Variants in COL17A1 observed in about 807,000 individuals in gnomAD.
The protein encoded by COL17A1 is collagen alpha-1(XVII) chain.
In COL17A1, 181 loss-of-function variants were observed where a neutral mutation model predicts 218.4. The ratio of observed to expected loss-of-function variants is 0.83; its 90% CI spans 0.73 to 0.94. The LOEUF (loss-of-function observed/expected upper bound fraction) is 0.94. COL17A1 is among the 40% of genes least tolerant of loss of function. The probability of loss-of-function intolerance (pLI) is 0.00; values close to 1 mark genes in which losing one functional copy is unlikely to be tolerated. For missense variants in COL17A1, 1,924 were observed against 1,945.9 expected, an observed-to-expected ratio of 0.99 and a Z score of 0.21; for synonymous variants, 721 against 731.0, an observed-to-expected ratio of 0.99 and a Z score of 0.22.
chr10:104,051,432 C>T (rs1192028057), intron 25 of COL17A1, 49 bp downstream of exon 25: 4 of 1,610,206 alleles, frequency 2.5e-6, no homozygotes, highest in East Asian at 4.5e-5. Flanking sequence ...TTAACATTGC[C>T]ACCTTTGCCC....
rs377497843 is a variant in COL17A1, at chr10:104,035,417, C to G, written c.3509-44G>C. On this transcript the variant is annotated intron_variant, in intron 49 of 55. Transcript: ENST00000648076. ...GCACGGAGTCAGTCCTGGCCTGGGC[C>G]AAGGGACTCTGCTTCCTCCCCAACC... is the stretch of plus-strand genomic sequence containing the variant. The G allele has an allele frequency of 8.2e-4, 1,328 of 1,613,438 alleles. 2 individuals are homozygous for G. The highest frequency in any genetic ancestry group is 1.0e-3 in the Non-Finnish European group (1,233 of 1,179,518).
At position 104,036,987 on chromosome 10, in the gene COL17A1, G is replaced by GT; in HGVS notation, c.3277+57dup. ...GACGAGGACAAGGTTTGCATGACGA[G>GT]TGAGGCCAGGAGAAAGCAAAGATAG... On this transcript the variant is annotated intron_variant, in intron 47 of 55. Transcript: ENST00000648076. 2.7e-6 allele frequency: 4 copies of GT among 1,488,828 alleles called. No individual in the cohort carries two copies. The South Asian group carries it at 4.8e-5, about 18-fold the overall frequency. 92.2% of individuals were successfully genotyped at this position (1,488,828 alleles called of 1,614,324 possible). A position where few individuals can be genotyped will look rare whatever the true frequency, so the allele number is the denominator to read the frequency against.
Position 104,032,290 on chromosome 10 carries a change from C to A in COL17A1, c.4439G>T (p.Gly1480Val), listed in dbSNP as rs761215469. 5 of 1,613,862 alleles carry A rather than the reference C, an allele frequency of 3.1e-6. No homozygotes were observed. The highest frequency in any genetic ancestry group is 4.2e-6 in the Non-Finnish European group (5 of 1,179,772). Residue 1480 changes from glycine (G) to valine (V), a missense_variant and splice_region_variant, in exon 56 of 56, where the codon GGT becomes GTT. Physicochemically the swap from Gly to Val is moderately radical, Grantham distance 109. Coordinates refer to ENST00000648076, the MANE Select transcript of COL17A1 (RefSeq NM_000494.4). ...TCTCCGCCCAGCATAGACTTGGTCA[C>A]CTGAAAGTTAGAAGATCAGTAGGAA... Reference protein sequence around the residue: ...RGHKGEKGDKGDQVYAGRRRR... With the variant: ...RGHKGEKGDKVDQVYAGRRRR...
At position 104,031,886 on chromosome 10, in the gene COL17A1, C is replaced by T. The variant is rs1844688472; in HGVS notation, c.*349G>A. ...TTTCTGGGCTCATATTTAGGTAAAG[C>T]TCTAAGACTCCTGAGCCAACTTTTA... On this transcript the variant is annotated 3_prime_UTR_variant, in exon 56 of 56. Transcript: ENST00000648076. The T allele has an allele frequency of 5.3e-6, 2 of 377,492 alleles. No individual in the cohort carries two copies. The highest frequency in any genetic ancestry group is 2.1e-5 in the African/African-American group (1 of 48,668). 23.4% of individuals were successfully genotyped at this position (377,492 alleles called of 1,614,324 possible). A position where few individuals can be genotyped will look rare whatever the true frequency, so the allele number is the denominator to read the frequency against.
At chr10:104,084,141 G>A (rs1168602052) in intron 1 of COL17A1, among the ~76,000 whole-genome samples, 2 of 152,156 alleles carry the variant, frequency 1.3e-5, no homozygotes, top group African/African-American at 4.8e-5. Flanking sequence ...GTGGGATAGG[G>A]CACCAGCTTT....
intron 31 of COL17A1, among the ~76,000 whole-genome samples, chr10:104,047,026 C>T (rs2086417425): frequency 6.6e-6 from 1 of 152,160 alleles, no homozygotes; most frequent in African/African-American, 2.4e-5. Context: ...GGTTCACAGA[C>T]CCTTTTGGAA....
At position 104,035,476 on chromosome 10, in the gene COL17A1, C is replaced by T. The variant is rs746933745; in HGVS notation, c.3506G>A (p.Arg1169Gln). The T allele has an allele frequency of 2.7e-5, 43 of 1,613,818 alleles. No homozygotes were observed. The highest frequency in any genetic ancestry group is 4.0e-5 in the African/African-American group (3 of 74,864). Residue 1169 changes from arginine (R) to glutamine (Q), a missense_variant and splice_region_variant, in exon 49 of 56, where the codon CGA becomes CAA. Coordinates refer to ENST00000648076, the MANE Select transcript of COL17A1 (RefSeq NM_000494.4). ...AGATGTCCCCTGCTGGGCCTTACCT[C>T]GCAGCAAGGAGAGGAGCTCCTCATA... ...TSYEELLSLLRGSEFRGIVGP... is the reference protein window; with the variant it reads ...TSYEELLSLLQGSEFRGIVGP...
At chr10:104,081,793 G>T (rs1217400414) in intron 1 of COL17A1, among the ~76,000 whole-genome samples, 1 of 152,218 alleles carries the variant, frequency 6.6e-6, no homozygotes, top group East Asian at 1.9e-4. Flanking sequence ...AGTGGGCACA[G>T]TGCCTAGGCC....
chr10:104,055,096 T>G, intron 19 of COL17A1, 89 bp from the exon 20 acceptor site: 2 of 1,594,878 alleles, frequency 1.3e-6, no homozygotes, highest in South Asian at 2.2e-5. Flanking sequence ...TTTGACAAGA[T>G]GTAAACTGTA....
In COL17A1 at chr10:104,036,586, C is replaced by T. The variant is rs2086301324; in HGVS notation, c.3324G>A (p.Arg1108=). The change falls in exon 48 of 56, where the codon CGG becomes CGA. Residue 1108 remains arginine, a synonymous_variant. Coordinates refer to ENST00000648076, the MANE Select transcript of COL17A1 (RefSeq NM_000494.4). The part of the protein sequence containing the change: ...QYLRQYLMGP[R]GPPGPPGASG... ...TGGCTCCTGGTGGCCCTGGCGGACCCCGAGGGCCCATCAAGTACTGACGTA... is the reference window on the plus strand; with the variant it reads ...TGGCTCCTGGTGGCCCTGGCGGACCTCGAGGGCCCATCAAGTACTGACGTA... The T allele has an allele frequency of 6.2e-7, 1 of 1,614,008 alleles. No individual in the cohort carries two copies. The highest frequency in any genetic ancestry group is 1.7e-5 in the Admixed American group (1 of 60,012).
intron 9 of COL17A1, among the ~76,000 whole-genome samples, chr10:104,068,489 T>C (rs2086644819): frequency 6.6e-6 from 1 of 152,218 alleles, no homozygotes; most frequent in East Asian, 1.9e-4. Flanking sequence ...TATCCAATAA[T>C]TGGTCAGCCC....
intron 36 of COL17A1, among the ~76,000 whole-genome samples, chr10:104,042,116 C>T (rs2134587862): frequency 6.6e-6 from 1 of 152,314 alleles, no homozygotes; most frequent in East Asian, 1.9e-4. Flanking sequence ...TCAGCCTGGG[C>T]CTGCAGCCGA....
Position 104,033,955 on chromosome 10 carries a change from C to T in COL17A1, c.4146G>A (p.Glu1382=). ...AATGTCCCCACTTACGCTGCATGCTCTCTGACACCCTCACAGCCAGCTCAT... is the reference window on the plus strand; with the variant it reads ...AATGTCCCCACTTACGCTGCATGCTTTCTGACACCCTCACAGCCAGCTCAT... ...DYNELAVRVS[E]SMQRQGLLQG... The change falls in exon 52 of 56, where the codon GAG becomes GAA. Residue 1382 remains glutamate, a synonymous_variant. Coordinates refer to ENST00000648076, the MANE Select transcript of COL17A1 (RefSeq NM_000494.4). 6.2e-7 allele frequency: 1 copy of T among 1,614,198 alleles called. No homozygotes were observed. Among genetic ancestry groups the T allele is most frequent in the Non-Finnish European group, 8.5e-7 (1 of 1,180,032 alleles).
chr10:104,059,834 T>C, intron 14 of COL17A1, 116 bp from the exon 15 acceptor site: 1 of 1,139,824 alleles, frequency 8.8e-7, no homozygotes, highest in Non-Finnish European at 1.3e-6. Flanking sequence ...GTTAGACTGG[T>C]AAGAAGAGCC....
At chr10:104,039,010 T>C in intron 44 of COL17A1, 61 bp downstream of exon 44, 4 of 1,511,212 alleles carry the variant, frequency 2.6e-6, no homozygotes, top group Non-Finnish European at 2.8e-6. Context: ...ACATCCTCAC[T>C]GGAATGATCA....
chr10:104,069,436 C>G (rs1353233110), intron 9 of COL17A1, among the ~76,000 whole-genome samples: 1 of 152,118 alleles, frequency 6.6e-6, no homozygotes, highest in Non-Finnish European at 1.5e-5. Context: ...CCTTGGCATC[C>G]CCCTTCCTCT....
rs1449130579 is a variant in COL17A1, at chr10:104,045,806, G to C, written c.2363-13C>G. The C allele has an allele frequency of 8.7e-6, 14 of 1,609,946 alleles. No individual in the cohort carries two copies. The highest frequency in any genetic ancestry group is 1.7e-5 in the Admixed American group (1 of 60,012). ...GTACCGGGAAGTCCTGATGTGATTA[G>C]AACAAGTAGTCAGGACGATGAAGGC... On this transcript the variant is annotated splice_polypyrimidine_tract_variant and intron_variant, in intron 32 of 55. Coordinates refer to ENST00000648076, the MANE Select transcript of COL17A1 (RefSeq NM_000494.4).
At chr10:104,055,542 A>G (rs1236316518) in intron 18 of COL17A1, 141 bp from the exon 19 acceptor site, 1 of 1,408,274 alleles carries the variant, frequency 7.1e-7, no homozygotes, top group African/African-American at 1.4e-5. Context: ...TCAGATTCTA[A>G]ATTTGGCTAG....
intron 31 of COL17A1, among the ~76,000 whole-genome samples, chr10:104,047,224 C>G (rs1230153062): frequency 6.6e-6 from 1 of 152,014 alleles, no homozygotes; most frequent in African/African-American, 2.4e-5. Context: ...TTCATTTGTT[C>G]TTCCTGCAAC....
Sources: allele counts gnomAD v4.1 joint callset (sites outside exome capture counted in the v4.1 genomes callset), GRCh38; gene constraint gnomAD v4.1.1; transcripts MANE v1.5; gene names NCBI Gene and HGNC (gene_info 2026-07-23, HGNC 2026-07-21).